The following NALF1 variants were observed in gnomAD, a reference collection of about 807,000 sequenced individuals.
NALF1 encodes family with sequence similarity 155 member A.
A neutral mutation model predicts 48.4 loss-of-function variants in NALF1; 3 were observed. The observed-to-expected ratio is 0.06, with a 90% CI of 0.03 to 0.16. The LOEUF (loss-of-function observed/expected upper bound fraction) is 0.16. Among genes scored for constraint, NALF1 ranks in the 10% least tolerant of loss-of-function variants. NALF1 has a pLI of 1.00. For synonymous variants in NALF1, 262 were observed against 245.7 expected, an observed-to-expected ratio of 1.07 and a Z score of -0.62; for missense variants, 526 against 571.5, an observed-to-expected ratio of 0.92 and a Z score of 0.81.
rs558497901 is a variant in NALF1, at chr13:107,579,457, G to A, written c.915+286225C>T. Among the ~76,000 whole-genome samples the A allele has an allele frequency of 8.5e-5, 13 of 152,264 alleles. No homozygotes were observed. The South Asian group carries it at 2.7e-3, about 32-fold the overall frequency. ...TGAGGGCACTGTGCCCCCTCCTTAT[G>A]TGGTCACTGGAGACAGAGCAAAGAG... On this transcript the variant is annotated intron_variant, in intron 1 of 2. Coordinates refer to ENST00000375915, the MANE Select transcript of NALF1 (RefSeq NM_001080396.3).
At chr13:107,814,081 A>T (rs773100484) in intron 1 of NALF1, among the ~76,000 whole-genome samples, 1 of 152,204 alleles carries the variant, frequency 6.6e-6, no homozygotes, top group Non-Finnish European at 1.5e-5. Context: ...AGGGAAACTC[A>T]TACAGCAGAC....
chr13:107,462,262 C>T (rs111525890), intron 1 of NALF1, among the ~76,000 whole-genome samples: 2 of 151,762 alleles, frequency 1.3e-5, no homozygotes, highest in African/African-American at 4.8e-5. Context: ...ATGTGAAGTT[C>T]GAGCAAATAC....
chr13:107,782,851 G>A (rs373077517), intron 1 of NALF1, among the ~76,000 whole-genome samples: 26,705 of 146,502 alleles, frequency 0.18, 2,733 homozygotes, highest in Middle Eastern at 0.22. Context: ...GAGACCCTCC[G>A]CCCGGCAGCC....
intron 1 of NALF1, among the ~76,000 whole-genome samples, chr13:107,301,599 G>A (rs897595786): frequency 2.0e-5 from 3 of 151,780 alleles, no homozygotes; most frequent in Non-Finnish European, 2.9e-5. Flanking sequence ...TATTTTATGG[G>A]ATTATATGTC....
At position 107,747,132 on chromosome 13, in the gene NALF1, T is replaced by C. The variant is rs555961892; in HGVS notation, c.915+118550A>G. On this transcript the variant is annotated intron_variant, in intron 1 of 2. Transcript: ENST00000375915. ...GTACGTTATTGAACACAGCCCAGCATTGTACATTCTTGGGCAATTTTAATT... is the reference window on the plus strand; with the variant it reads ...GTACGTTATTGAACACAGCCCAGCACTGTACATTCTTGGGCAATTTTAATT... Among the ~76,000 whole-genome samples the C allele has an allele frequency of 7.9e-5, 12 of 152,322 alleles. 1 individual carries two copies. The highest frequency in any genetic ancestry group is 2.1e-4 in the South Asian group (1 of 4,832).
intron 1 of NALF1, among the ~76,000 whole-genome samples, chr13:107,654,880 G>A (rs553308305): frequency 3.3e-5 from 5 of 151,928 alleles, no homozygotes; most frequent in African/African-American, 1.2e-4. Flanking sequence ...CCACCTAAAT[G>A]GAATTAAAAA....
chr13:107,843,158 T>G (rs1444175042), intron 1 of NALF1, among the ~76,000 whole-genome samples: 1 of 152,216 alleles, frequency 6.6e-6, no homozygotes, highest in Non-Finnish European at 1.5e-5. Flanking sequence ...TAACAAACAC[T>G]TCTATGATAC....
At chr13:107,230,607 T>G (rs2138824378) in intron 1 of NALF1, among the ~76,000 whole-genome samples, 1 of 152,296 alleles carries the variant, frequency 6.6e-6, no homozygotes, top group Non-Finnish European at 1.5e-5. Flanking sequence ...AAAAATTTAT[T>G]ACTTGCCTAG....
At chr13:107,600,951 C>G (rs912984582) in intron 1 of NALF1, among the ~76,000 whole-genome samples, 1 of 152,146 alleles carries the variant, frequency 6.6e-6, no homozygotes, top group Non-Finnish European at 1.5e-5. Flanking sequence ...AGGGCAATCC[C>G]AGAGGAAGTC....
At chr13:107,835,939 G>GGAAGCA (rs1294187074) in intron 1 of NALF1, among the ~76,000 whole-genome samples, 1 of 152,136 alleles carries the variant, frequency 6.6e-6, no homozygotes, top group Non-Finnish European at 1.5e-5. Context: ...CAAGGACCCA[G>GGAAGCA]GAAGCAGAAG....
At chr13:107,785,055 T>C (rs1300145590) in intron 1 of NALF1, among the ~76,000 whole-genome samples, 1 of 152,064 alleles carries the variant, frequency 6.6e-6, no homozygotes, top group Non-Finnish European at 1.5e-5. Context: ...TGTGTGTGTA[T>C]GTGTCTGTGT....
intron 1 of NALF1, among the ~76,000 whole-genome samples, chr13:107,374,532 A>T (rs1407971663): frequency 6.6e-6 from 1 of 152,170 alleles, no homozygotes; most frequent in Non-Finnish European, 1.5e-5. Flanking sequence ...TTGAAAAGAC[A>T]CATTTTATAA....
intron 1 of NALF1, among the ~76,000 whole-genome samples, chr13:107,489,773 C>A (rs929939772): frequency 1.3e-5 from 2 of 151,932 alleles, no homozygotes; most frequent in African/African-American, 4.8e-5. Context: ...TTCTGCATAG[C>A]AAAAGAAACT....
chr13:107,176,695 T>C (rs542018416), intron 2 of NALF1, among the ~76,000 whole-genome samples: 77 of 151,992 alleles, frequency 5.1e-4, no homozygotes, highest in Non-Finnish European at 9.7e-4. Flanking sequence ...GACCAGTGCA[T>C]GGCAGGTAAG....
chr13:107,443,603 T>C (rs1381475119), intron 1 of NALF1, among the ~76,000 whole-genome samples: 1 of 152,226 alleles, frequency 6.6e-6, no homozygotes, highest in Non-Finnish European at 1.5e-5. Flanking sequence ...ACTTTCTCTT[T>C]AAACTAATTT....
chr13:107,397,664 G>T (rs1410975436), intron 1 of NALF1, among the ~76,000 whole-genome samples: 1 of 151,900 alleles, frequency 6.6e-6, no homozygotes, highest in African/African-American at 2.4e-5. Flanking sequence ...CTTCCAAGAG[G>T]TAGGGCCTTG....
Position 107,556,292 on chromosome 13 carries a change from TATATACACAC to T in NALF1, c.915+309380_915+309389del, listed in dbSNP as rs748579571. ...CTCAACATATATATATATATATATATATATACACACACACACACACACACACATATATATA... is the reference window on the plus strand; with the variant it reads ...CTCAACATATATATATATATATATATACACACACACACACACATATATATA... On this transcript the variant is annotated intron_variant, in intron 1 of 2. Coordinates refer to ENST00000375915, the MANE Select transcript of NALF1 (RefSeq NM_001080396.3). Among the ~76,000 whole-genome samples the T allele has an allele frequency of 2.2e-4, 27 of 123,074 alleles. No homozygotes were observed. The East Asian group carries it at 8.7e-3, about 40-fold the overall frequency. The allele number at this position is 123,074 out of a possible 152,430, so 80.7% of individuals were successfully genotyped here.
intron 2 of NALF1, among the ~76,000 whole-genome samples, chr13:107,185,826 A>C (rs1175104546): frequency 6.6e-6 from 1 of 152,206 alleles, no homozygotes; most frequent in Admixed American, 6.5e-5. Flanking sequence ...AGCAAGAATC[A>C]ATCAGGTTAT....
At chr13:107,769,971 G>A (rs1049253495) in intron 1 of NALF1, among the ~76,000 whole-genome samples, 1 of 152,148 alleles carries the variant, frequency 6.6e-6, no homozygotes, top group Non-Finnish European at 1.5e-5. Context: ...AGAGTGCAGT[G>A]GCGCGGTCTC....
Sources: allele counts gnomAD v4.1 joint callset (sites outside exome capture counted in the v4.1 genomes callset), GRCh38; gene constraint gnomAD v4.1.1; transcripts MANE v1.5; gene names NCBI Gene and HGNC (gene_info 2026-07-23, HGNC 2026-07-21).